Variants in SFTPC observed in about 807,000 individuals in gnomAD.
SFTPC encodes the protein BRICHOS domain containing 6.
Under a neutral mutation model 19.9 loss-of-function variants are expected in SFTPC, and 12 were observed. That is an observed-to-expected ratio of 0.60 (90% CI 0.39 to 0.98). The LOEUF is 0.98. Ranked by LOEUF, SFTPC falls within the 50% of genes least tolerant of loss-of-function variation. The pLI is 0.00. For missense variants in SFTPC, 219 were observed against 252.2 expected, an observed-to-expected ratio of 0.87 and a Z score of 0.89; for synonymous variants, 123 against 103.3, an observed-to-expected ratio of 1.19 and a Z score of -1.16.
At chr8:22,162,868 G>C in intron 2 of SFTPC, 136 bp downstream of exon 2, 1 of 1,365,086 alleles carries the variant, frequency 7.3e-7, no homozygotes, top group Non-Finnish European at 1.0e-6. Flanking sequence ...AAAGAGGCAC[G>C]AACCAGGCAG....
rs560553416 is a variant in SFTPC, at chr8:22,162,504, C to T, written c.43-70C>T. 3.8e-6 allele frequency: 6 copies of T among 1,566,536 alleles called. No homozygotes were observed. The East Asian group carries it at 1.3e-4, about 35-fold the overall frequency. On this transcript the variant is annotated intron_variant, in intron 1 of 5. Coordinates refer to ENST00000679463, the MANE Select transcript of SFTPC (RefSeq NM_001317778.2). ...TAGGCAGCCGTGGGAGGGTGTTCAGCTTGTATAGGGAGAAGAGGGGACAGC... is the reference window on the plus strand; with the variant it reads ...TAGGCAGCCGTGGGAGGGTGTTCAGTTTGTATAGGGAGAAGAGGGGACAGC...
chr8:22,163,546 G>GGTGT lies in SFTPC; in HGVS notation c.435+10_435+13dup. 1 of 1,576,620 alleles carries GGTGT rather than the reference G, an allele frequency of 6.3e-7. No homozygotes were observed. Among genetic ancestry groups the GGTGT allele is most frequent in the Non-Finnish European group, 8.7e-7 (1 of 1,149,078 alleles). On this transcript the variant is annotated frameshift_variant and splice_region_variant. Coordinates refer to ENST00000679463, the MANE Select transcript of SFTPC (RefSeq NM_001317778.2). LOFTEE classifies it high-confidence loss of function. The stretch of plus-strand genomic sequence containing the variant: ...TCACTAGAAAAGTCCACAACTTCCA[G>GGTGT]GTGTGTGTGTGTGGGTGAAAAGAGT...
At chr8:22,159,949 G>C, upstream of SFTPC, 1 of 782,076 alleles carries the variant, frequency 1.3e-6, no homozygotes, top group South Asian at 1.5e-5. Flanking sequence ...CAGGCGAGCT[G>C]TCTCCCACAT....
Position 22,164,172 on chromosome 8 carries a change from A to T in SFTPC, c.*19-94A>T, listed in dbSNP as rs181622448. 3.4e-4 allele frequency: 526 copies of T among 1,542,748 alleles called. 4 individuals are homozygous for T. In the East Asian group the frequency reaches 0.012, roughly 34 times the overall value. On this transcript the variant is annotated intron_variant, in intron 5 of 5. Coordinates refer to ENST00000679463, the MANE Select transcript of SFTPC (RefSeq NM_001317778.2). ...CTGGGGCGTCCACTGAAGCGGGGTC[A>T]TCCAGGCAACTCGGGGGAGGGGAAG...
chr8:22,157,390 C>A (rs150144876), upstream of SFTPC: 8 of 190,192 alleles, frequency 4.2e-5, no homozygotes, highest in African/African-American at 1.7e-4. Context: ...TTCAGTCCAG[C>A]CCTTTGTCTA....
upstream of SFTPC, chr8:22,159,414 TA>T: frequency 3.4e-6 from 1 of 295,630 alleles, no homozygotes; most frequent in East Asian, 1.3e-4. Context: ...ACAGGGCTGG[TA>T]GGGGGAGGGG....
upstream of SFTPC, among the ~76,000 whole-genome samples, chr8:22,161,058 G>A (rs1259533534): frequency 6.6e-6 from 1 of 152,168 alleles, no homozygotes; most frequent in Non-Finnish European, 1.5e-5. Context: ...AGCAGTGTCA[G>A]ACCTGGAATC....
At position 22,161,890 on chromosome 8, in the gene SFTPC, T is replaced by G; in HGVS notation, c.42+20T>G. On this transcript the variant is annotated intron_variant, in intron 1 of 5. Coordinates refer to ENST00000679463, the MANE Select transcript of SFTPC (RefSeq NM_001317778.2). ...CCGCCGGTGAGTGTGGTTGCGTGTG[T>G]GTATGTATGTGTGCGCGCGCACATG... 2 of 1,611,672 alleles carry G rather than the reference T, an allele frequency of 1.2e-6. No individual in the cohort carries two copies. The highest frequency in any genetic ancestry group is 1.7e-6 in the Non-Finnish European group (2 of 1,178,176).
Position 22,162,479 on chromosome 8 carries a change from T to C in SFTPC, c.43-95T>C. ...ATCCATCGCATCGGCTGTCCAGCCCTAGGCAGCCGTGGGAGGGTGTTCAGC... is the reference window on the plus strand; with the variant it reads ...ATCCATCGCATCGGCTGTCCAGCCCCAGGCAGCCGTGGGAGGGTGTTCAGC... On this transcript the variant is annotated intron_variant, in intron 1 of 5. Transcript: ENST00000679463. 7.8e-6 allele frequency: 11 copies of C among 1,419,336 alleles called. No homozygotes were observed. In the South Asian group the frequency reaches 1.0e-4, roughly 13 times the overall value. 87.9% of individuals were successfully genotyped at this position (1,419,336 alleles called of 1,614,324 possible).
chr8:22,159,798 C>T (rs901709132), upstream of SFTPC: 3 of 1,289,350 alleles, frequency 2.3e-6, no homozygotes, highest in African/African-American at 4.6e-5. Flanking sequence ...CCCCGAGATG[C>T]CTGCAGTGCT....
intron 3 of SFTPC, 60 bp downstream of exon 3, chr8:22,163,262 C>A (rs1430621459): frequency 3.2e-5 from 51 of 1,608,696 alleles, no homozygotes; most frequent in Non-Finnish European, 4.3e-5. Flanking sequence ...TAGAGCCACC[C>A]AGCTGGGCCA....
chr8:22,159,638 G>T, upstream of SFTPC: 1 of 508,308 alleles, frequency 2.0e-6, no homozygotes, highest in South Asian at 1.6e-5. Flanking sequence ...AACAGGCAGG[G>T]GAGACCAAGG....
intron 5 of SFTPC, 36 bp from the exon 6 acceptor site, chr8:22,164,230 C>T: frequency 6.5e-7 from 1 of 1,535,188 alleles, no homozygotes. Context: ...TCCCCTGATT[C>T]TCTCTGTCCA....
upstream of SFTPC, among the ~76,000 whole-genome samples, chr8:22,161,364 C>T (rs891595691): frequency 2.0e-5 from 3 of 152,190 alleles, no homozygotes; most frequent in Non-Finnish European, 4.4e-5. Context: ...GTGCTGCCTC[C>T]AGAACCCTCT....
intron 3 of SFTPC, 64 bp from the exon 4 acceptor site, chr8:22,163,372 G>A: frequency 6.5e-7 from 1 of 1,531,070 alleles, no homozygotes; most frequent in Non-Finnish European, 9.0e-7. Context: ...AGGTGGCTAA[G>A]GACCTGGGTC....
At position 22,164,450 on chromosome 8, in the gene SFTPC, C is replaced by A; in HGVS notation, c.*203C>A. The stretch of plus-strand genomic sequence containing the variant: ...AGGGGCCCGGGAACTCCTGCCACAA[C>A]AGAATAAAGCAGCCTGATTGAAAAG... On this transcript the variant is annotated 3_prime_UTR_variant, in exon 6 of 6. Coordinates refer to ENST00000679463, the MANE Select transcript of SFTPC (RefSeq NM_001317778.2). 2 of 1,468,188 alleles carry A rather than the reference C, an allele frequency of 1.4e-6. No individual in the cohort carries two copies. Among genetic ancestry groups the A allele is most frequent in the South Asian group, 1.4e-5 (1 of 73,374 alleles). 90.9% of individuals were successfully genotyped at this position (1,468,188 alleles called of 1,614,324 possible). A position where few individuals can be genotyped will look rare whatever the true frequency, so the allele number is the denominator to read the frequency against.
At chr8:22,159,568 AAGG>A (rs1001980426), upstream of SFTPC, 29 of 375,234 alleles carry the variant, frequency 7.7e-5, no homozygotes, top group African/African-American at 6.2e-4. Flanking sequence ...TTAAAAAAAG[AAGG>A]AGAAGAAGCA....
intron 3 of SFTPC, 55 bp downstream of exon 3, chr8:22,163,257 C>A: frequency 1.2e-6 from 2 of 1,612,380 alleles, no homozygotes; most frequent in Non-Finnish European, 1.7e-6. Flanking sequence ...TCTGCTAGAG[C>A]CACCCAGCTG....
Position 22,161,812 on chromosome 8 carries a change from A to C in SFTPC, c.-17A>C. On this transcript the variant is annotated 5_prime_UTR_variant, in exon 1 of 6. Transcript: ENST00000679463. The stretch of plus-strand genomic sequence containing the variant: ...ACCTGGGAGAGGAGGAGAGGAGAGC[A>C]TAGCACCTGCAGCAAGATGGATGTG... 1 of 1,614,116 alleles carries C rather than the reference A, an allele frequency of 6.2e-7. No individual in the cohort carries two copies. The highest frequency in any genetic ancestry group is 8.5e-7 in the Non-Finnish European group (1 of 1,180,016).
Sources: gnomAD v4.1 joint callset for allele counts (sites outside exome capture counted in the v4.1 genomes callset) on GRCh38, gnomAD v4.1.1 for gene constraint, MANE v1.5 for transcripts, NCBI Gene and HGNC (gene_info 2026-07-23, HGNC 2026-07-21) for gene names.